The following FXYD3 variants were observed in gnomAD, a reference collection of about 807,000 sequenced individuals.
FXYD3 encodes FXYD domain containing ion transport regulator 3.
FXYD3 carries 13 observed loss-of-function variants against 19.2 expected under a neutral mutation model. The observed-to-expected ratio is 0.68, with a 90% CI of 0.44 to 1.08. The LOEUF is 1.08. Ranked by LOEUF, FXYD3 falls within the 50% of genes least tolerant of loss-of-function variation. FXYD3 has a pLI of 0.00. For synonymous variants in FXYD3, 48 were observed against 38.9 expected, an observed-to-expected ratio of 1.23 and a Z score of -0.87; for missense variants, 101 against 109.4, an observed-to-expected ratio of 0.92 and a Z score of 0.34.
chr19:35,121,524 G>T, intron 5 of FXYD3: 1 of 1,417,500 alleles, frequency 7.1e-7, no homozygotes, highest in Non-Finnish European at 9.2e-7. Flanking sequence ...TGGGAGAAGT[G>T]TTGACTTGAG....
chr19:35,118,695 G>A, intron 2 of FXYD3: 1 of 470,980 alleles, frequency 2.1e-6, no homozygotes, highest in Non-Finnish European at 2.9e-6. Context: ...GGAGGTTCGG[G>A]GGAACAGAGA....
chr19:35,122,654 TC>T, intron 5 of FXYD3, 110 bp from the exon 6 acceptor site: 1 of 822,272 alleles, frequency 1.2e-6, no homozygotes, highest in South Asian at 1.5e-5. Context: ...TATGGCGGTG[TC>T]CCCAGCACCC....
At chr19:35,119,109 G>A (rs917511514) in intron 2 of FXYD3, 25 of 1,267,792 alleles carry the variant, frequency 2.0e-5, no homozygotes, top group Admixed American at 9.9e-5. Context: ...GTTGCGGGGC[G>A]ATTCCCAGAA....
chr19:35,119,086 G>C (rs2064971317), intron 2 of FXYD3: 1 of 967,366 alleles, frequency 1.0e-6, no homozygotes, highest in Non-Finnish European at 1.6e-6. Flanking sequence ...GCGGGCAGTG[G>C]CGCCCTTGTT....
At chr19:35,120,573 G>A (rs1178286944) in intron 3 of FXYD3, among the ~76,000 whole-genome samples, 1 of 152,196 alleles carries the variant, frequency 6.6e-6, no homozygotes, top group Non-Finnish European at 1.5e-5. Context: ...TCCCTGCAGG[G>A]TAGTGATCTA....
intron 3 of FXYD3, among the ~76,000 whole-genome samples, chr19:35,120,067 T>C (rs1317203186): frequency 6.6e-6 from 1 of 152,026 alleles, no homozygotes; most frequent in Non-Finnish European, 1.5e-5. Context: ...GCCAGTTCTC[T>C]AAAAACTTCA....
At chr19:35,117,143 C>A (rs1272056360) in intron 2 of FXYD3, 1 of 1,341,486 alleles carries the variant, frequency 7.5e-7, no homozygotes, top group East Asian at 3.1e-5. Flanking sequence ...CACATCAGTT[C>A]GGGAGCAGCC....
At chr19:35,121,040 C>T in intron 3 of FXYD3, 38 bp from the exon 4 acceptor site, 8 of 1,611,214 alleles carry the variant, frequency 5.0e-6, no homozygotes, top group Non-Finnish European at 6.8e-6. Flanking sequence ...CTGAGGCCGG[C>T]ATCACCATCT....
chr19:35,122,649 C>T (rs751057530), intron 5 of FXYD3, 116 bp from the exon 6 acceptor site: 9 of 780,960 alleles, frequency 1.2e-5, no homozygotes, highest in African/African-American at 1.7e-5. Context: ...TTTCTTATGG[C>T]GGTGTCCCCA....
At position 35,119,417 on chromosome 19, in the gene FXYD3, G is replaced by A; in HGVS notation, c.40+1G>A. 1 of 1,613,846 alleles carries A rather than the reference G, an allele frequency of 6.2e-7. No individual in the cohort carries two copies. The highest frequency in any genetic ancestry group is 1.1e-5 in the South Asian group (1 of 91,072). ...CTGGGCCTGCTTGTGTTCCTGGCAGGTGAGTACCCATCCCCCGTCTGCCTT... is the reference window on the plus strand; with the variant it reads ...CTGGGCCTGCTTGTGTTCCTGGCAGATGAGTACCCATCCCCCGTCTGCCTT... On this transcript the variant is annotated splice_donor_variant, in intron 3 of 8. Coordinates refer to ENST00000604404, the MANE Select transcript of FXYD3 (RefSeq NM_005971.4). LOFTEE classifies it high-confidence loss of function.
At chr19:35,122,985 G>A in intron 7 of FXYD3, 31 bp downstream of exon 7, 1 of 1,551,186 alleles carries the variant, frequency 6.4e-7, no homozygotes, top group Middle Eastern at 1.7e-4. Context: ...GCCCGCCTCA[G>A]GCTGACTGGA....
At chr19:35,119,483 T>A in intron 3 of FXYD3, 67 bp downstream of exon 3, 1 of 1,418,196 alleles carries the variant, frequency 7.1e-7, no homozygotes, top group Admixed American at 1.7e-5. Flanking sequence ...AACCTCTGTC[T>A]CTCTCCTGTG....
At chr19:35,122,402 A>G (rs1600456673) in intron 5 of FXYD3, among the ~76,000 whole-genome samples, 1 of 152,134 alleles carries the variant, frequency 6.6e-6, no homozygotes, top group Admixed American at 6.6e-5. Flanking sequence ...TGATCCGCCC[A>G]CCTTGGCCTC....
At chr19:35,117,613 G>T (rs927610025) in intron 2 of FXYD3, among the ~76,000 whole-genome samples, 2 of 151,816 alleles carry the variant, frequency 1.3e-5, no homozygotes, top group Non-Finnish European at 2.9e-5. Flanking sequence ...ACCACAGGCA[G>T]TCCACCTACA....
intron 7 of FXYD3, 67 bp from the exon 8 acceptor site, chr19:35,123,204 A>T (rs2145348285): frequency 6.5e-7 from 1 of 1,529,574 alleles, no homozygotes; most frequent in South Asian, 1.3e-5. Context: ...GCAGGCTAAG[A>T]ACCCTCTATC....
chr19:35,118,405 G>T, intron 2 of FXYD3: 1 of 811,996 alleles, frequency 1.2e-6, no homozygotes, highest in Non-Finnish European at 1.5e-6. Flanking sequence ...CTCAGCATTT[G>T]GGCAGGGACA....
intron 2 of FXYD3, chr19:35,116,836 C>T (rs2064899522): frequency 1.0e-6 from 1 of 985,388 alleles, no homozygotes; most frequent in African/African-American, 1.7e-5. Context: ...GGTGTCCAGA[C>T]ATTGAGGGAT....
At position 35,123,646 on chromosome 19, in the gene FXYD3, G is replaced by C. The variant is rs1424936620; in HGVS notation, c.*189G>C. On this transcript the variant is annotated 3_prime_UTR_variant, in exon 9 of 9. Coordinates refer to ENST00000604404, the MANE Select transcript of FXYD3 (RefSeq NM_005971.4). ...ATTTTTTTTAATCTAAAATGATTGTGCCTCTGCCCAAGCAGCCTGGAGACT... is the reference window on the plus strand; with the variant it reads ...ATTTTTTTTAATCTAAAATGATTGTCCCTCTGCCCAAGCAGCCTGGAGACT... 1.6e-6 allele frequency: 1 copy of C among 637,056 alleles called. No individual in the cohort carries two copies. The highest frequency in any genetic ancestry group is 2.7e-6 in the Non-Finnish European group (1 of 365,140). 39.5% of individuals were successfully genotyped at this position (637,056 alleles called of 1,614,324 possible). A position where few individuals can be genotyped will look rare whatever the true frequency, so the allele number is the denominator to read the frequency against.
At chr19:35,119,756 G>A (rs1600448617) in intron 3 of FXYD3, 1 of 352,244 alleles carries the variant, frequency 2.8e-6, no homozygotes, top group East Asian at 6.1e-5. Flanking sequence ...CTACAGCCTT[G>A]AACTCCTGGG....
Sources: allele counts gnomAD v4.1 joint callset (sites outside exome capture counted in the v4.1 genomes callset), GRCh38; gene constraint gnomAD v4.1.1; transcripts MANE v1.5; gene names NCBI Gene and HGNC (gene_info 2026-07-23, HGNC 2026-07-21).